HYAL4: variants seen among roughly 807,000 people sequenced by gnomAD.
HYAL4 encodes hyaluronidase 4.
In HYAL4, 37 loss-of-function variants were observed where a neutral mutation model predicts 35.2. The observed-to-expected ratio is 1.05, with a 90% CI of 0.81 to 1.38. The LOEUF is 1.38. Among genes scored for constraint, HYAL4 ranks in the 40% most tolerant of loss-of-function variants. The pLI is 0.00. For missense variants in HYAL4, 572 were observed against 572.4 expected (o/e 1.00, Z 0.01); for synonymous variants, 198 against 203.2 (o/e 0.97, Z 0.22).
At chr7:123,794,546 C>T in the HYAL4 span, among the ~76,000 whole-genome samples, 1 of 152,232 alleles carries the variant, frequency 6.6e-6, no homozygotes, top group Admixed American at 6.5e-5. Context: ...GTCCCAGCTG[C>T]TTCAGCTCCA....
chr7:123,808,418 C>CGTGTGTGTGT, the HYAL4 span, among the ~76,000 whole-genome samples: 36 of 142,696 alleles, frequency 2.5e-4, no homozygotes, highest in African/African-American at 8.1e-4. Context: ...TGTATCATCA[C>CGTGTGTGTGT]GTGTGTGTGT....
chr7:123,868,475 A>G lies in HYAL4; in HGVS notation c.202A>G (p.Asn68Asp), dbSNP rs774251063. The change falls in exon 3 of 5, where the codon AAT becomes GAT. Residue 68 changes from asparagine (N) to aspartate (D), a missense_variant. Coordinates refer to ENST00000223026, the MANE Select transcript of HYAL4 (RefSeq NM_012269.3). ...QCLIKYNLRL[N>D]LKMFPVIGSP... is the part of the protein sequence containing the mutation. Reference sequence around the variant, plus strand: ...TTTGATAAAATATAATTTAAGACTAAATTTGAAAATGTTTCCTGTGATTGG... The same window carrying G: ...TTTGATAAAATATAATTTAAGACTAGATTTGAAAATGTTTCCTGTGATTGG... 6.2e-7 allele frequency: 1 copy of G among 1,604,382 alleles called. No homozygotes were observed. The highest frequency in any genetic ancestry group is 1.1e-5 in the South Asian group (1 of 88,406).
At chr7:123,796,214 G>A in the HYAL4 span, among the ~76,000 whole-genome samples, 1 of 152,156 alleles carries the variant, frequency 6.6e-6, no homozygotes, top group South Asian at 2.1e-4. Flanking sequence ...GCATGGATTA[G>A]ACATCATGGG....
At chr7:123,801,763 A>G in the HYAL4 span, among the ~76,000 whole-genome samples, 1 of 152,144 alleles carries the variant, frequency 6.6e-6, no homozygotes, top group South Asian at 2.1e-4. Flanking sequence ...TGAGTCTACA[A>G]TTGCTACATA....
At chr7:123,843,803 T>C (rs1404486851), upstream of HYAL4, among the ~76,000 whole-genome samples, 1 of 152,006 alleles carries the variant, frequency 6.6e-6, no homozygotes, top group Non-Finnish European at 1.5e-5. Flanking sequence ...TTGAATCTTG[T>C]GCATCCGTCA....
chr7:123,864,244 A>T (rs970208604), intron 2 of HYAL4, among the ~76,000 whole-genome samples: 1 of 152,180 alleles, frequency 6.6e-6, no homozygotes, highest in Non-Finnish European at 1.5e-5. Flanking sequence ...ATGTCATTTC[A>T]TTGAAAATCA....
At chr7:123,848,834 A>C (rs1249384730) in intron 2 of HYAL4, among the ~76,000 whole-genome samples, 1 of 152,198 alleles carries the variant, frequency 6.6e-6, no homozygotes, top group African/African-American at 2.4e-5. Flanking sequence ...TGCAACATTT[A>C]AAAGGGCTCA....
At chr7:123,803,065 C>T in the HYAL4 span, among the ~76,000 whole-genome samples, 2 of 152,166 alleles carry the variant, frequency 1.3e-5, no homozygotes, top group Non-Finnish European at 2.9e-5. Flanking sequence ...ACCATCCAAG[C>T]ATTCCCTTCT....
At chr7:123,834,544 C>T (rs118111002) in intron 1 of HYAL4, among the ~76,000 whole-genome samples, 2,229 of 152,222 alleles carry the variant, frequency 0.015, 17 homozygotes, top group Non-Finnish European at 0.022. Context: ...GTGACATTGA[C>T]TTCCTCTTTA....
At chr7:123,786,211 A>G in the HYAL4 span, among the ~76,000 whole-genome samples, 68 of 152,322 alleles carry the variant, frequency 4.5e-4, no homozygotes, top group African/African-American at 1.5e-3. Context: ...TCAGTAAAAA[A>G]ATTTGTTTTT....
chr7:123,842,473 G>A (rs1457803680), upstream of HYAL4, among the ~76,000 whole-genome samples: 1 of 152,056 alleles, frequency 6.6e-6, no homozygotes, highest in Non-Finnish European at 1.5e-5. Flanking sequence ...TGTATATTCT[G>A]TTGATTTCGG....
the HYAL4 span, among the ~76,000 whole-genome samples, chr7:123,768,522 G>A: frequency 7.8e-3 from 1,188 of 152,236 alleles, 21 homozygotes; most frequent in African/African-American, 0.027. Context: ...CAGAGACTCG[G>A]GATGTTTTTT....
the HYAL4 span, among the ~76,000 whole-genome samples, chr7:123,799,421 T>C: frequency 6.6e-6 from 1 of 150,462 alleles, no homozygotes; most frequent in Non-Finnish European, 1.5e-5. Context: ...AGGTAATTTA[T>C]AAATTTATAA....
At chr7:123,841,080 A>G (rs1471997766), upstream of HYAL4, among the ~76,000 whole-genome samples, 2 of 151,966 alleles carry the variant, frequency 1.3e-5, no homozygotes, top group Non-Finnish European at 2.9e-5. Context: ...TTCAACAGGA[A>G]TGCTTCCAGC....
chr7:123,828,609 A>C (rs1805835267), upstream of HYAL4, among the ~76,000 whole-genome samples: 1 of 152,192 alleles, frequency 6.6e-6, no homozygotes. Context: ...AAAATGTTTC[A>C]CAATTAAAGT....
chr7:123,846,838 CTG>C (rs1173798900), intron 1 of HYAL4, among the ~76,000 whole-genome samples: 1 of 152,200 alleles, frequency 6.6e-6, no homozygotes, highest in Non-Finnish European at 1.5e-5. Flanking sequence ...TCCTCTATCC[CTG>C]TATTTCACTC....
chr7:123,806,388 T>C, the HYAL4 span, among the ~76,000 whole-genome samples: 1 of 152,120 alleles, frequency 6.6e-6, no homozygotes, highest in African/African-American at 2.4e-5. Flanking sequence ...TCTTGGGAAA[T>C]ACTGCCAATT....
the HYAL4 span, among the ~76,000 whole-genome samples, chr7:123,822,887 C>G: frequency 1.3e-5 from 2 of 152,200 alleles, no homozygotes; most frequent in Non-Finnish European, 1.5e-5. Context: ...ATGACTTGAA[C>G]CCAGGAGTTC....
the HYAL4 span, among the ~76,000 whole-genome samples, chr7:123,807,855 C>G: frequency 6.6e-6 from 1 of 151,258 alleles, no homozygotes; most frequent in Admixed American, 6.6e-5. Flanking sequence ...CCTTAGCCTT[C>G]TGAGTAGCTA....
Sources: gnomAD v4.1 joint callset for allele counts (sites outside exome capture counted in the v4.1 genomes callset) on GRCh38, gnomAD v4.1.1 for gene constraint, MANE v1.5 for transcripts, NCBI Gene and HGNC (gene_info 2026-07-23, HGNC 2026-07-21) for gene names.